The following PIK3R3 variants were observed in gnomAD, a reference collection of about 807,000 sequenced individuals.
PIK3R3 encodes phosphatidylinositol 3-kinase regulatory subunit gamma.
A neutral mutation model predicts 62.9 loss-of-function variants in PIK3R3; 64 were observed. That is an observed-to-expected ratio of 1.02 (90% CI 0.83 to 1.25). PIK3R3 has a LOEUF of 1.25. Among genes scored for constraint, PIK3R3 ranks in the 50% most tolerant of loss-of-function variants. PIK3R3 has a pLI of 0.00. For synonymous variants in PIK3R3, 165 were observed against 189.0 expected (o/e 0.87, Z 1.04); for missense variants, 614 against 561.6 (o/e 1.09, Z -0.94).
At position 46,044,126 on chromosome 1, in the gene PIK3R3, G is replaced by T. The variant is rs192527401; in HGVS notation, c.1188-255C>A. Among the ~76,000 whole-genome samples, 6 of 151,730 alleles carry T rather than the reference G, an allele frequency of 4.0e-5. No individual in the cohort carries two copies. The East Asian group carries it at 1.2e-3, about 29-fold the overall frequency. On this transcript the variant is annotated intron_variant, in intron 9 of 9. Coordinates refer to ENST00000262741, the MANE Select transcript of PIK3R3 (RefSeq NM_003629.4). This position sits in a 1 kb window ranked among gnomAD's most constrained non-coding sequence, Gnocchi z 4.2. ...GGTCTCGCTCTATCACGAAAGCTAG[G>T]GTACAGTGGCTTGATTACAGCTCAC... is the stretch of plus-strand genomic sequence containing the variant.
chr1:46,066,860 C>T, intron 4 of PIK3R3, 51 bp downstream of exon 4: 1 of 1,322,218 alleles, frequency 7.6e-7, no homozygotes, highest in Non-Finnish European at 1.1e-6. Context: ...TCAAATAAGG[C>T]TGTTAAATAA....
At chr1:46,142,421 G>T in the PIK3R3 span, among the ~76,000 whole-genome samples, 2 of 152,200 alleles carry the variant, frequency 1.3e-5, no homozygotes, top group Non-Finnish European at 2.9e-5. Context: ...TACAGAGGCC[G>T]GGCGCGGTGG....
At chr1:46,050,507 G>A (rs1022346852) in intron 7 of PIK3R3, among the ~76,000 whole-genome samples, 3 of 152,144 alleles carry the variant, frequency 2.0e-5, no homozygotes, top group East Asian at 3.9e-4. Context: ...AGAGGTTGCA[G>A]TGAGCCAAGA....
At chr1:46,174,000 G>T in the PIK3R3 span, among the ~76,000 whole-genome samples, 1 of 152,162 alleles carries the variant, frequency 6.6e-6, no homozygotes, top group South Asian at 2.1e-4. Context: ...TGAGTGTGAA[G>T]GCATGTGTCT....
At position 46,046,020 on chromosome 1, in the gene PIK3R3, T is replaced by C. The variant is rs1304415661; in HGVS notation, c.1085A>G (p.Asp362Gly). Reference protein sequence around the residue: ...HYDEKTWFVEDINRVQAEDLL... With the variant: ...HYDEKTWFVEGINRVQAEDLL... The stretch of plus-strand genomic sequence containing the variant: ...GTCCTCTGCTTGTACTCGATTGATA[T>C]CCTCAACAAACCAGGTTTTCTCATC... Residue 362 changes from aspartate to glycine, a missense_variant, in exon 9 of 10, where the codon GAT (aspartate) becomes GGT (glycine). Transcript: ENST00000262741. 6.2e-7 allele frequency: 1 copy of C among 1,612,062 alleles called. No individual in the cohort carries two copies. The highest frequency in any genetic ancestry group is 8.5e-7 in the Non-Finnish European group (1 of 1,178,330).
At chr1:46,108,874 T>G (rs187294493) in intron 1 of PIK3R3, among the ~76,000 whole-genome samples, 9 of 152,056 alleles carry the variant, frequency 5.9e-5, no homozygotes, top group Admixed American at 1.3e-4. Flanking sequence ...AAATTATGTT[T>G]CTCGGCCAGG....
chr1:46,087,378 A>C (rs2149422806), intron 1 of PIK3R3, among the ~76,000 whole-genome samples: 1 of 152,152 alleles, frequency 6.6e-6, no homozygotes, highest in East Asian at 1.9e-4. Context: ...CGCTGAGAAT[A>C]GGGGTGAGCC....
intron 1 of PIK3R3, among the ~76,000 whole-genome samples, chr1:46,131,037 C>T (rs940942972): frequency 3.3e-5 from 5 of 152,130 alleles, no homozygotes; most frequent in Non-Finnish European, 5.9e-5. Context: ...GTATACTTTA[C>T]ATTACGTGTA....
At chr1:46,086,146 A>C (rs541062667) in intron 1 of PIK3R3, among the ~76,000 whole-genome samples, 1 of 152,378 alleles carries the variant, frequency 6.6e-6, no homozygotes. Flanking sequence ...TAGATGTTTT[A>C]AGTGTGTGTA....
At chr1:46,053,666 G>T (rs979787327) in intron 7 of PIK3R3, among the ~76,000 whole-genome samples, 3 of 152,016 alleles carry the variant, frequency 2.0e-5, no homozygotes, top group Non-Finnish European at 4.4e-5. Flanking sequence ...CCTTGAGTTC[G>T]GACTTCCTAG....
chr1:46,086,126 TAG>T (rs1651030276), intron 1 of PIK3R3, among the ~76,000 whole-genome samples: 1 of 152,170 alleles, frequency 6.6e-6, no homozygotes, highest in African/African-American at 2.4e-5. Context: ...TGAAGAAACA[TAG>T]AGACATATAG....
chr1:46,106,432 T>C (rs1653211145), intron 1 of PIK3R3, among the ~76,000 whole-genome samples: 1 of 152,208 alleles, frequency 6.6e-6, no homozygotes, highest in African/African-American at 2.4e-5. Flanking sequence ...TTCTGATATA[T>C]TCTTGATGAT....
chr1:46,117,327 G>A (rs1404007309), intron 1 of PIK3R3, among the ~76,000 whole-genome samples: 1 of 152,138 alleles, frequency 6.6e-6, no homozygotes, highest in Non-Finnish European at 1.5e-5. Context: ...TAGCTACTCA[G>A]GAGGCTGGGG....
At chr1:46,087,044 A>C (rs146305518) in intron 1 of PIK3R3, among the ~76,000 whole-genome samples, 3 of 152,206 alleles carry the variant, frequency 2.0e-5, no homozygotes, top group Non-Finnish European at 4.4e-5. Context: ...GCATGTTCTC[A>C]CTCATAGGTG....
chr1:46,065,938 G>C, intron 5 of PIK3R3, 116 bp downstream of exon 5: 3 of 837,490 alleles, frequency 3.6e-6, no homozygotes, highest in Non-Finnish European at 5.9e-6. Flanking sequence ...TTTCAAAAAG[G>C]CTGTTTAAGC....
At chr1:46,126,096 A>G (rs1183859313) in intron 1 of PIK3R3, among the ~76,000 whole-genome samples, 1 of 152,162 alleles carries the variant, frequency 6.6e-6, no homozygotes, top group East Asian at 1.9e-4. Flanking sequence ...AGAGGGTCCA[A>G]GAGGTCAGAA....
chr1:46,050,112 ACT>A lies in PIK3R3; in HGVS notation c.942-3489_942-3488del, dbSNP rs869046200. On this transcript the variant is annotated intron_variant, in intron 7 of 9. Coordinates refer to ENST00000262741, the MANE Select transcript of PIK3R3 (RefSeq NM_003629.4). The stretch of plus-strand genomic sequence containing the variant: ...CTCCAGCTTGGGCAACAAGAGTGAA[ACT>A]CTGTCTCAAAAAAAAAAAAAAAAAA... Among the ~76,000 whole-genome samples the A allele has an allele frequency of 5.8e-4, 79 of 135,048 alleles. No individual in the cohort carries two copies. In the East Asian group the frequency reaches 0.013, roughly 23 times the overall value. 88.6% of individuals were successfully genotyped at this position (135,048 alleles called of 152,430 possible).
At chr1:46,045,644 T>TTTTTTTTTTTTC (rs370501368) in intron 9 of PIK3R3, among the ~76,000 whole-genome samples, 2,813 of 82,642 alleles carry the variant, frequency 0.034, 728 homozygotes, top group African/African-American at 0.048. Flanking sequence ...TTTTTTTTTT[T>TTTTTTTTTTTTC]CAATTTAAGA....
At position 46,042,736 on chromosome 1, in the gene PIK3R3, T is replaced by C; in HGVS notation, c.*937A>G. 1 of 204,076 alleles carries C rather than the reference T, an allele frequency of 4.9e-6. No individual in the cohort carries two copies. Among genetic ancestry groups the C allele is most frequent in the East Asian group, 7.5e-5 (1 of 13,252 alleles). The allele number at this position is 204,076 out of a possible 1,614,324, so 12.6% of individuals were successfully genotyped here. A position where few individuals can be genotyped will look rare whatever the true frequency, so the allele number is the denominator to read the frequency against. The stretch of plus-strand genomic sequence containing the variant: ...ACTCATACAAACAAGTTACAAAGGT[T>C]TCAAACAACAGATCATTCTTTAGGC... On this transcript the variant is annotated 3_prime_UTR_variant, in exon 10 of 10. Coordinates refer to ENST00000262741, the MANE Select transcript of PIK3R3 (RefSeq NM_003629.4). The surrounding 1 kb of genome is among the most constrained non-coding windows in gnomAD (Gnocchi z 4.3).
Sources: gnomAD v4.1 joint callset for allele counts (sites outside exome capture counted in the v4.1 genomes callset) on GRCh38, gnomAD v4.1.1 for gene constraint, Gnocchi (gnomAD v3.1) non-coding constraint, MANE v1.5 for transcripts, NCBI Gene and HGNC (gene_info 2026-07-23, HGNC 2026-07-21) for gene names.